The following ITPR2 variants were observed in gnomAD, a reference collection of about 807,000 sequenced individuals.
ITPR2 encodes the protein inositol 1,4,5-trisphosphate-gated calcium channel ITPR2.
A neutral mutation model predicts 317.1 loss-of-function variants in ITPR2; 207 were observed. The observed-to-expected ratio is 0.65, with a 90% CI of 0.58 to 0.73. ITPR2 has a LOEUF of 0.73. ITPR2 is among the 30% of genes least tolerant of loss of function. ITPR2 has a pLI of 0.00. For missense variants in ITPR2, 2,613 were observed against 3,284.0 expected (o/e 0.80, Z 4.99); for synonymous variants, 1,156 against 1,149.1 (o/e 1.01, Z -0.12).
chr12:26,538,141 G>A (rs745851214), intron 37 of ITPR2, among the ~76,000 whole-genome samples: 1 of 152,212 alleles, frequency 6.6e-6, no homozygotes, highest in Non-Finnish European at 1.5e-5. Flanking sequence ...GGCCAGATTG[G>A]CTGGATTTTC....
intron 55 of ITPR2, among the ~76,000 whole-genome samples, chr12:26,363,000 A>C (rs892692051): frequency 6.6e-6 from 1 of 152,214 alleles, no homozygotes; most frequent in Admixed American, 6.5e-5. Context: ...AGTCACGTAG[A>C]TCAGGGCCCC....
intron 55 of ITPR2, among the ~76,000 whole-genome samples, chr12:26,342,654 G>C (rs1938168922): frequency 6.6e-6 from 1 of 152,028 alleles, no homozygotes; most frequent in East Asian, 1.9e-4. Context: ...TTGTTGTCCA[G>C]GCTGAAGTGC....
chr12:26,518,030 A>C (rs1306943884), intron 37 of ITPR2, among the ~76,000 whole-genome samples: 1 of 152,228 alleles, frequency 6.6e-6, no homozygotes, highest in Non-Finnish European at 1.5e-5. Flanking sequence ...GTATATGCCC[A>C]AAGGAATATA....
At chr12:26,371,163 T>C (rs1463064802) in intron 55 of ITPR2, among the ~76,000 whole-genome samples, 1 of 152,190 alleles carries the variant, frequency 6.6e-6, no homozygotes, top group Non-Finnish European at 1.5e-5. Flanking sequence ...GGAGAGAGGA[T>C]AAAAACTGAT....
chr12:26,609,411 A>T (rs899534450), intron 26 of ITPR2, among the ~76,000 whole-genome samples: 1 of 152,192 alleles, frequency 6.6e-6, no homozygotes. Flanking sequence ...GTTCAAGACC[A>T]GCCTGGGCCA....
chr12:26,579,921 A>G (rs190035230), intron 33 of ITPR2, 106 bp downstream of exon 33: 2 of 803,996 alleles, frequency 2.5e-6, no homozygotes, highest in Admixed American at 5.1e-5. Flanking sequence ...TAAGAGAAGA[A>G]TAAACATCTG....
intron 5 of ITPR2, chr12:26,721,351 T>C (rs768918090): frequency 1.6e-6 from 1 of 612,456 alleles, no homozygotes; most frequent in African/African-American, 1.8e-5. Context: ...TCCTGTGGAA[T>C]TGAATTTGTA....
At chr12:26,674,928 C>T (rs1947873798) in intron 13 of ITPR2, among the ~76,000 whole-genome samples, 1 of 151,500 alleles carries the variant, frequency 6.6e-6, no homozygotes, top group African/African-American at 2.4e-5. Flanking sequence ...TTTATGCAGC[C>T]AAAAAACACA....
At chr12:26,821,272 A>C (rs1174118636) in intron 1 of ITPR2, among the ~76,000 whole-genome samples, 2 of 152,234 alleles carry the variant, frequency 1.3e-5, no homozygotes, top group Non-Finnish European at 2.9e-5. Context: ...AGCAGCAGGC[A>C]GAAATTGGAG....
chr12:26,390,136 G>A (rs1939787220), intron 54 of ITPR2, among the ~76,000 whole-genome samples: 1 of 152,192 alleles, frequency 6.6e-6, no homozygotes, highest in South Asian at 2.1e-4. Context: ...AGAGAAATTA[G>A]AATCCTCATG....
At position 26,335,909 on chromosome 12, in the gene ITPR2, T is replaced by A. The variant is rs930235321; in HGVS notation, c.*3488A>T. 6.6e-6 allele frequency: 1 copy of A among 152,118 alleles called. No individual in the cohort carries two copies. Among genetic ancestry groups the A allele is most frequent in the Non-Finnish European group, 1.5e-5 (1 of 68,040 alleles). The allele number at this position is 152,118 out of a possible 1,614,324, so 9.4% of individuals were successfully genotyped here. ...GTGTATCACAGCATATTGGAATGGG[T>A]CTGTAGGTAGGAATAGCTGATTTGT... is the stretch of plus-strand genomic sequence containing the variant. On this transcript the variant is annotated 3_prime_UTR_variant, in exon 57 of 57. Transcript: ENST00000381340.
chr12:26,439,105 C>G (rs777482927), intron 47 of ITPR2, 22 bp downstream of exon 47: 1 of 1,487,332 alleles, frequency 6.7e-7, no homozygotes. Flanking sequence ...CAAAACTAAC[C>G]ATTTCAGTTT....
chr12:26,356,400 C>T (rs185961129), intron 55 of ITPR2, among the ~76,000 whole-genome samples: 1 of 152,322 alleles, frequency 6.6e-6, no homozygotes, highest in East Asian at 1.9e-4. Context: ...GAAGCCCAGC[C>T]ATGGAATTCC....
intron 53 of ITPR2, 63 bp downstream of exon 53, chr12:26,400,060 TAAATG>T: frequency 1.4e-6 from 2 of 1,472,538 alleles, no homozygotes; most frequent in Non-Finnish European, 1.8e-6. Flanking sequence ...AACTAAATTA[TAAATG>T]CTGTGAAGAA....
chr12:26,345,448 C>T (rs1300877629), intron 55 of ITPR2, among the ~76,000 whole-genome samples: 1 of 152,068 alleles, frequency 6.6e-6, no homozygotes, highest in Non-Finnish European at 1.5e-5. Flanking sequence ...TTAACAATAA[C>T]TAATAACAAA....
intron 46 of ITPR2, among the ~76,000 whole-genome samples, chr12:26,440,843 T>G (rs979160137): frequency 1.3e-5 from 2 of 152,118 alleles, no homozygotes; most frequent in African/African-American, 4.8e-5. Context: ...AAATGTTATG[T>G]TTGATTATGG....
intron 55 of ITPR2, among the ~76,000 whole-genome samples, chr12:26,358,904 C>T (rs1236271796): frequency 1.3e-5 from 2 of 152,198 alleles, no homozygotes; most frequent in Non-Finnish European, 2.9e-5. Flanking sequence ...CTAGACCTCT[C>T]CATGGTTCAC....
rs1222845591 is a variant in ITPR2 at position 26,785,526 on chromosome 12, C to G, written c.163+4631G>C. Among the ~76,000 whole-genome samples the G allele has an allele frequency of 3.6e-5, 2 of 54,872 alleles. 1 individual carries two copies. Among genetic ancestry groups the G allele is most frequent in the African/African-American group, 1.1e-4 (2 of 18,460 alleles). 36.0% of individuals were successfully genotyped at this position (54,872 alleles called of 152,430 possible). A position where few individuals can be genotyped will look rare whatever the true frequency, so the allele number is the denominator to read the frequency against. ...ACTGGGAAGTGAGGACCCCTCTGCCCGGCCAGCCGCCCCGTCCAGGAGGGA... is the reference window on the plus strand; with the variant it reads ...ACTGGGAAGTGAGGACCCCTCTGCCGGGCCAGCCGCCCCGTCCAGGAGGGA... On this transcript the variant is annotated intron_variant, in intron 2 of 56. Transcript: ENST00000381340.
intron 2 of ITPR2, among the ~76,000 whole-genome samples, chr12:26,741,121 G>A (rs1176036138): frequency 6.6e-6 from 1 of 152,226 alleles, no homozygotes; most frequent in East Asian, 1.9e-4. Flanking sequence ...TTAAACATGT[G>A]AGACAGGAAA....
Sources: gnomAD v4.1 joint callset for allele counts (sites outside exome capture counted in the v4.1 genomes callset) on GRCh38, gnomAD v4.1.1 for gene constraint, MANE v1.5 for transcripts, NCBI Gene and HGNC (gene_info 2026-07-23, HGNC 2026-07-21) for gene names.